Variants in DLGAP1 observed in about 807,000 individuals in gnomAD.
DLGAP1 encodes disks large-associated protein 1.
Under a neutral mutation model 90.8 loss-of-function variants are expected in DLGAP1, and 11 were observed. The ratio of observed to expected loss-of-function variants is 0.12; its 90% CI spans 0.08 to 0.20. The LOEUF is 0.20. DLGAP1 is among the 10% of genes least tolerant of loss of function. The probability of loss-of-function intolerance (pLI) is 1.00; values close to 1 mark genes in which losing one functional copy is unlikely to be tolerated. For missense variants in DLGAP1, 1,050 were observed against 1,333.8 expected (o/e 0.79, Z 3.31); for synonymous variants, 558 against 540.7 (o/e 1.03, Z -0.44).
At chr18:4,200,895 G>T (rs994017054) in intron 1 of DLGAP1, among the ~76,000 whole-genome samples, 3 of 152,056 alleles carry the variant, frequency 2.0e-5, no homozygotes, top group African/African-American at 7.2e-5. Flanking sequence ...ATTTATTTCA[G>T]AGGTGGGAAA....
intron 2 of DLGAP1, among the ~76,000 whole-genome samples, chr18:4,118,605 G>A (rs1224582267): frequency 6.6e-6 from 1 of 151,938 alleles, no homozygotes; most frequent in Non-Finnish European, 1.5e-5. Flanking sequence ...GAGAAACTCT[G>A]TCAGCCCATT....
At chr18:4,194,457 A>T (rs190105749) in intron 1 of DLGAP1, among the ~76,000 whole-genome samples, 13 of 152,334 alleles carry the variant, frequency 8.5e-5, no homozygotes, top group Admixed American at 2.0e-4. Flanking sequence ...GGATTAGTAA[A>T]TTTAAGGCCA....
intron 5 of DLGAP1, among the ~76,000 whole-genome samples, chr18:3,781,628 T>C (rs1407664543): frequency 1.3e-5 from 2 of 152,132 alleles, no homozygotes; most frequent in Non-Finnish European, 2.9e-5. Flanking sequence ...GCTGGGATTA[T>C]AGGCGTGAGC....
rs374132829 is a variant in DLGAP1 at position 4,099,771 on chromosome 18, A to C, written c.-159+51409T>G. Among the ~76,000 whole-genome samples the C allele has an allele frequency of 4.9e-4, 73 of 150,430 alleles. 1 individual carries two copies. In the South Asian group the frequency reaches 0.015, roughly 31 times the overall value. Reference sequence around the variant, plus strand: ...CAGCCTGGAGTGCAGTGGTGCAATCATGGCTCACTGCAGCCTTGAATTCCT... The same window carrying C: ...CAGCCTGGAGTGCAGTGGTGCAATCCTGGCTCACTGCAGCCTTGAATTCCT... On this transcript the variant is annotated intron_variant, in intron 2 of 12. Transcript: ENST00000315677.
intron 8 of DLGAP1, among the ~76,000 whole-genome samples, chr18:3,574,652 A>G (rs1204845095): frequency 1.3e-5 from 2 of 152,182 alleles, no homozygotes; most frequent in African/African-American, 2.4e-5. Context: ...CTCTTTCCAA[A>G]TAAACACTGA....
intron 4 of DLGAP1, among the ~76,000 whole-genome samples, chr18:3,838,403 C>G (rs1002499744): frequency 3.3e-5 from 5 of 152,158 alleles, no homozygotes; most frequent in Admixed American, 3.3e-4. Context: ...GGCATGGTTG[C>G]TACACATATT....
At chr18:4,124,212 T>C (rs1271270849) in intron 2 of DLGAP1, among the ~76,000 whole-genome samples, 3 of 152,194 alleles carry the variant, frequency 2.0e-5, no homozygotes, top group African/African-American at 7.2e-5. Flanking sequence ...ACTTGTAATA[T>C]GCTTTCTCCT....
intron 9 of DLGAP1, among the ~76,000 whole-genome samples, chr18:3,556,799 G>A (rs748373008): frequency 6.6e-6 from 1 of 152,126 alleles, no homozygotes; most frequent in Non-Finnish European, 1.5e-5. Flanking sequence ...TGACTTGTAT[G>A]GTAAAGAATA....
intron 2 of DLGAP1, among the ~76,000 whole-genome samples, chr18:4,134,352 G>A (rs1452559731): frequency 3.3e-5 from 5 of 151,964 alleles, no homozygotes; most frequent in Non-Finnish European, 5.9e-5. Flanking sequence ...GGGGGGACTT[G>A]GTTAATCTTA....
intron 2 of DLGAP1, among the ~76,000 whole-genome samples, chr18:4,061,136 A>C (rs2075292458): frequency 1.3e-5 from 2 of 152,196 alleles, no homozygotes; most frequent in Non-Finnish European, 2.9e-5. Context: ...CCTACTTACC[A>C]AGTTTTCACC....
intron 2 of DLGAP1, among the ~76,000 whole-genome samples, chr18:4,007,380 G>A (rs2074323673): frequency 6.6e-6 from 1 of 152,164 alleles, no homozygotes; most frequent in South Asian, 2.1e-4. Context: ...TGCTGGCCGG[G>A]TGCAGTGGCT....
At chr18:3,987,115 C>T (rs907330247) in intron 3 of DLGAP1, among the ~76,000 whole-genome samples, 6 of 152,082 alleles carry the variant, frequency 3.9e-5, no homozygotes, top group Admixed American at 3.3e-4. Flanking sequence ...AGAATGAGAG[C>T]ATTTACCTCC....
intron 5 of DLGAP1, among the ~76,000 whole-genome samples, chr18:3,772,750 C>T (rs2064745679): frequency 6.6e-6 from 1 of 151,948 alleles, no homozygotes; most frequent in African/African-American, 2.4e-5. Flanking sequence ...GGCATTGGCA[C>T]CCCCTGGGAG....
chr18:3,884,060 A>C (rs957082116), intron 3 of DLGAP1, among the ~76,000 whole-genome samples: 2 of 152,210 alleles, frequency 1.3e-5, no homozygotes, highest in African/African-American at 2.4e-5. Context: ...CCGATAGGTA[A>C]AAAACGTGTC....
chr18:4,212,487 G>A (rs1274446697), intron 1 of DLGAP1, among the ~76,000 whole-genome samples: 1 of 147,720 alleles, frequency 6.8e-6, no homozygotes, highest in African/African-American at 2.5e-5. Context: ...CCAACATGGT[G>A]AAACCATGTC....
intron 1 of DLGAP1, among the ~76,000 whole-genome samples, chr18:4,203,615 T>C (rs2077655284): frequency 1.3e-5 from 2 of 152,196 alleles, no homozygotes; most frequent in South Asian, 4.1e-4. Context: ...GAACATGCTC[T>C]GACTCAGTCA....
At chr18:4,253,120 A>G (rs2078817948) in intron 1 of DLGAP1, among the ~76,000 whole-genome samples, 1 of 152,188 alleles carries the variant, frequency 6.6e-6, no homozygotes, top group Non-Finnish European at 1.5e-5. Context: ...CTGGGGAAGT[A>G]GCAAAGAATC....
chr18:4,384,686 C>T lies in DLGAP1; in HGVS notation c.-267+70320G>A, dbSNP rs947113244. The stretch of plus-strand genomic sequence containing the variant: ...TCAACAATCAAAAAGGTCAGAATGC[C>T]GACCAATCGAGAAAGACTACCTAGC... On this transcript the variant is annotated intron_variant, in intron 1 of 12. Transcript: ENST00000315677. Among the ~76,000 whole-genome samples, 8 of 152,020 alleles carry T rather than the reference C, an allele frequency of 5.3e-5. No individual in the cohort carries two copies. The East Asian group carries it at 1.5e-3, about 29-fold the overall frequency.
chr18:3,600,707 GCT>G (rs2056854406), intron 7 of DLGAP1, among the ~76,000 whole-genome samples: 1 of 101,976 alleles, frequency 9.8e-6, no homozygotes, highest in Non-Finnish European at 1.9e-5. Flanking sequence ...GATATCTATA[GCT>G]ATATAGATAT....
Sources: allele counts gnomAD v4.1 joint callset (sites outside exome capture counted in the v4.1 genomes callset), GRCh38; gene constraint gnomAD v4.1.1; transcripts MANE v1.5; gene names NCBI Gene and HGNC (gene_info 2026-07-23, HGNC 2026-07-21).